Variants in MYO7A observed in about 807,000 individuals in gnomAD.
The protein encoded by MYO7A is myosin VIIA, also known as unconventional myosin-VIIa.
In MYO7A, 210 loss-of-function variants were observed where a neutral mutation model predicts 263.8. The ratio of observed to expected loss-of-function variants is 0.80; its 90% CI spans 0.71 to 0.89. The LOEUF (loss-of-function observed/expected upper bound fraction) is 0.89, where lower values mean the gene tolerates loss of function less well. Among genes scored for constraint, MYO7A ranks in the 40% least tolerant of loss-of-function variants. The pLI is 0.00. For missense variants in MYO7A, 2,820 were observed against 2,968.3 expected, an observed-to-expected ratio of 0.95 and a Z score of 1.16; for synonymous variants, 1,239 against 1,197.3, an observed-to-expected ratio of 1.03 and a Z score of -0.72.
chr11:77,191,243 C>A, intron 30 of MYO7A: 1 of 167,376 alleles, frequency 6.0e-6, no homozygotes. Flanking sequence ...TCACTTGAAC[C>A]CAGGAGGTGG....
Position 77,212,935 on chromosome 11 carries a change from C to G in MYO7A, c.6355-17C>G, listed in dbSNP as rs1296918242. On this transcript the variant is annotated splice_polypyrimidine_tract_variant and intron_variant, in intron 46 of 48. Transcript: ENST00000409709. The stretch of plus-strand genomic sequence containing the variant: ...GCTCTGGGCCCCCATCTGATGCCTT[C>G]TCATCTTTTTTTCTAGCAAACTACG... 1 of 1,573,072 alleles carries G rather than the reference C, an allele frequency of 6.4e-7. No individual in the cohort carries two copies. Among genetic ancestry groups the G allele is most frequent in the Non-Finnish European group, 8.6e-7 (1 of 1,156,304 alleles).
At chr11:77,181,259 C>A in intron 22 of MYO7A, 121 bp from the exon 23 acceptor site, 1 of 837,632 alleles carries the variant, frequency 1.2e-6, no homozygotes, top group South Asian at 1.8e-5. Context: ...TTCTTCCCAG[C>A]GGTCAGGAGG....
intron 30 of MYO7A, among the ~76,000 whole-genome samples, chr11:77,191,815 A>C (rs1956101672): frequency 2.0e-5 from 3 of 152,210 alleles, no homozygotes; most frequent in Non-Finnish European, 4.4e-5. Flanking sequence ...AAAAGCTTCC[A>C]CTAGAAAATG....
At position 77,163,103 on chromosome 11, in the gene MYO7A, C is replaced by CATAT. The variant is rs55700684; in HGVS notation, c.1690+128_1690+131dup. On this transcript the variant is annotated intron_variant, in intron 14 of 48. Transcript: ENST00000409709. The stretch of plus-strand genomic sequence containing the variant: ...AAGATTTTTAAAAATTGTGATTATT[C>CATAT]ATATATATATATATATGAACTTGAC... 30,333 of 889,402 alleles carry CATAT rather than the reference C, an allele frequency of 0.034. 391 individuals are homozygous for CATAT. The highest frequency in any genetic ancestry group is 0.084 in the African/African-American group (4,758 of 56,906). The allele number at this position is 889,402 out of a possible 1,614,324, so 55.1% of individuals were successfully genotyped here.
At chr11:77,175,278 G>C (rs1351123562) in intron 17 of MYO7A, 94 bp from the exon 18 acceptor site, 1 of 1,172,214 alleles carries the variant, frequency 8.5e-7, no homozygotes, top group Non-Finnish European at 1.2e-6. Context: ...GGCAGAGCTC[G>C]GGAAGAGCCC....
At chr11:77,146,103 G>C (rs1373487229) in intron 3 of MYO7A, among the ~76,000 whole-genome samples, 1 of 152,230 alleles carries the variant, frequency 6.6e-6, no homozygotes, top group Non-Finnish European at 1.5e-5. Context: ...ACTGTCAGGG[G>C]AGGCTTCAGA....
chr11:77,213,277 T>A (rs1052528767), intron 47 of MYO7A, among the ~76,000 whole-genome samples: 1 of 152,262 alleles, frequency 6.6e-6, no homozygotes. Context: ...CCTTTAGTAC[T>A]TGGCCTTTCA....
At position 77,181,401 on chromosome 11, in the gene MYO7A, C is replaced by G. The variant is rs868923965; in HGVS notation, c.2716C>G (p.Arg906Gly). 2 of 1,574,226 alleles carry G rather than the reference C, an allele frequency of 1.3e-6. No homozygotes were observed. Among genetic ancestry groups the G allele is most frequent in the Non-Finnish European group, 1.7e-6 (2 of 1,160,810 alleles). ...KHQERLAQLA[R>G]EDAERELKEK... is the part of the protein sequence containing the mutation. ...CCAGGAGCGCCTGGCCCAGCTGGCT[C>G]GTGAGGACGCTGAGCGGGAGCTGAA... is the stretch of plus-strand genomic sequence containing the variant. Residue 906 changes from arginine to glycine, a missense_variant, in exon 23 of 49, where the codon CGT becomes GGT. Transcript: ENST00000409709.
In MYO7A at chr11:77,161,094, T is replaced by G; in HGVS notation, c.1322T>G (p.Phe441Cys). The G allele has an allele frequency of 6.2e-7, 1 of 1,613,968 alleles. No homozygotes were observed. Among genetic ancestry groups the G allele is most frequent in the Non-Finnish European group, 8.5e-7 (1 of 1,179,870 alleles). The change falls in exon 12 of 49, where the codon TTT becomes TGT. Residue 441 changes from phenylalanine (F) to cysteine (C), a missense_variant. Phe to Cys is a radical substitution (Grantham distance 205). Transcript: ENST00000409709. The stretch of plus-strand genomic sequence containing the variant: ...ATCGGCCTCCTGGACATCTTTGGGT[T>G]TGAGAACTTTGCTGTGAACAGGTAC... ...RSIGLLDIFG[F>C]ENFAVNSFEQ...
chr11:77,164,769 T>C (rs1591306678), intron 14 of MYO7A, among the ~76,000 whole-genome samples: 1 of 152,198 alleles, frequency 6.6e-6, no homozygotes, highest in African/African-American at 2.4e-5. Flanking sequence ...TTGAATAATC[T>C]CTATGCTGAG....
At chr11:77,143,675 A>G (rs1951367028) in intron 3 of MYO7A, among the ~76,000 whole-genome samples, 1 of 152,216 alleles carries the variant, frequency 6.6e-6, no homozygotes, top group South Asian at 2.1e-4. Context: ...AGGGATATGA[A>G]GAATCCAGGG....
intron 14 of MYO7A, among the ~76,000 whole-genome samples, chr11:77,165,621 A>G (rs1953463252): frequency 6.6e-6 from 1 of 152,224 alleles, no homozygotes; most frequent in Non-Finnish European, 1.5e-5. Context: ...GGGTCTTCAT[A>G]AAACATAACA....
intron 15 of MYO7A, among the ~76,000 whole-genome samples, chr11:77,168,280 G>A (rs1953749374): frequency 1.3e-5 from 2 of 152,232 alleles, no homozygotes; most frequent in Admixed American, 6.5e-5. Flanking sequence ...TCATGGAGAG[G>A]TCAAAGTGCA....
chr11:77,181,416 C>G lies in MYO7A; in HGVS notation c.2731C>G (p.Arg911Gly). The G allele has an allele frequency of 6.3e-7, 1 of 1,587,030 alleles. No homozygotes were observed. The highest frequency in any genetic ancestry group is 2.3e-5 in the East Asian group (1 of 43,642). The stretch of plus-strand genomic sequence containing the variant: ...CCAGCTGGCTCGTGAGGACGCTGAG[C>G]GGGAGCTGAAGGAGAAGGAGGCCGC... Reference protein sequence around the residue: ...LAQLAREDAERELKEKEAARR... With the variant: ...LAQLAREDAEGELKEKEAARR... Residue 911 changes from arginine to glycine, a missense_variant, in exon 23 of 49, where the codon CGG becomes GGG. Transcript: ENST00000409709.
chr11:77,129,130 G>A (rs1309219869), intron 1 of MYO7A, among the ~76,000 whole-genome samples: 1 of 152,170 alleles, frequency 6.6e-6, no homozygotes, highest in Non-Finnish European at 1.5e-5. Context: ...ATCCCTTGGA[G>A]CCCCATGTCT....
chr11:77,211,295 C>T lies in MYO7A; in HGVS notation c.6195C>T (p.Pro2065=). 6.3e-7 allele frequency: 1 copy of T among 1,583,048 alleles called. No homozygotes were observed. Among genetic ancestry groups the T allele is most frequent in the Non-Finnish European group, 8.6e-7 (1 of 1,164,956 alleles). Reference sequence around the variant, plus strand: ...CCAAGCTGCTGCGGGAGCTGGTGCCCCAGGACCTTATCCGGCAGGTCTCAC... The same window carrying T: ...CCAAGCTGCTGCGGGAGCTGGTGCCTCAGGACCTTATCCGGCAGGTCTCAC... The part of the protein sequence containing the change: ...SIPKLLRELV[P]QDLIRQVSPD... The change falls in exon 45 of 49, where the codon CCC becomes CCT. Residue 2065 remains proline, a synonymous_variant. Coordinates refer to ENST00000409709, the MANE Select transcript of MYO7A (RefSeq NM_000260.4).
chr11:77,140,531 C>T (rs1426398546), intron 2 of MYO7A, among the ~76,000 whole-genome samples: 23 of 152,238 alleles, frequency 1.5e-4, no homozygotes, highest in Admixed American at 6.5e-5. Context: ...ACACGCTCCC[C>T]ACCCCTTCTC....
In MYO7A at chr11:77,182,591, C is replaced by T. The variant is rs782130985; in HGVS notation, c.3276C>T (p.Gly1092=). 1.1e-5 allele frequency: 18 copies of T among 1,612,806 alleles called. No homozygotes were observed. The Admixed American group carries it at 2.5e-4, about 22-fold the overall frequency. ...TYKRELQALQ[G]EGEAQLPEGQ... ...AGAGGGAGCTGCAGGCCCTGCAGGG[C>T]GAGGGCGAGGTGAGGCCAAGGTGCC... Residue 1092 remains glycine (G), a synonymous_variant, in exon 25 of 49, where the codon GGC becomes GGT. Coordinates refer to ENST00000409709, the MANE Select transcript of MYO7A (RefSeq NM_000260.4).
intron 2 of MYO7A, among the ~76,000 whole-genome samples, chr11:77,136,476 T>C (rs946838146): frequency 2.0e-5 from 3 of 152,172 alleles, no homozygotes; most frequent in African/African-American, 7.2e-5. Flanking sequence ...AGACTTACTT[T>C]ACAATCTCTT....
Sources: gnomAD v4.1 joint callset for allele counts (sites outside exome capture counted in the v4.1 genomes callset) on GRCh38, gnomAD v4.1.1 for gene constraint, MANE v1.5 for transcripts, NCBI Gene and HGNC (gene_info 2026-07-23, HGNC 2026-07-21) for gene names.